CNOT4: variants seen among roughly 807,000 people sequenced by gnomAD.
CNOT4 encodes CCR4-associated factor 4.
Under a neutral mutation model 73.8 loss-of-function variants are expected in CNOT4, and 8 were observed. The ratio of observed to expected loss-of-function variants is 0.11; its 90% CI spans 0.06 to 0.20. The LOEUF (loss-of-function observed/expected upper bound fraction) is 0.20, where lower values mean the gene tolerates loss of function less well. Ranked by LOEUF, CNOT4 falls within the 10% of genes least tolerant of loss-of-function variation. The probability of loss-of-function intolerance (pLI) is 1.00; values close to 1 mark genes in which losing one functional copy is unlikely to be tolerated. For missense variants in CNOT4, 564 were observed against 883.4 expected (o/e 0.64, Z 4.58); for synonymous variants, 293 against 321.1 (o/e 0.91, Z 0.94).
chr7:135,465,845 C>T (rs949849664), intron 1 of CNOT4, among the ~76,000 whole-genome samples: 1 of 150,248 alleles, frequency 6.7e-6, no homozygotes, highest in African/African-American at 2.5e-5. Flanking sequence ...GTCAGGAGTT[C>T]GAGACCAGCC....
chr7:135,467,748 T>C (rs928476798), intron 1 of CNOT4, among the ~76,000 whole-genome samples: 1 of 151,584 alleles, frequency 6.6e-6, no homozygotes, highest in Non-Finnish European at 1.5e-5. Flanking sequence ...AAAAAACTTC[T>C]GGAAAATATG....
At chr7:135,386,520 TTTC>T (rs1232446449) in intron 10 of CNOT4, 6 of 152,180 alleles carry the variant, frequency 3.9e-5, no homozygotes, top group Non-Finnish European at 8.8e-5. Context: ...TGTTGTATAA[TTTC>T]TTCTGTCCTT....
At chr7:135,492,956 G>A (rs1332330123) in intron 1 of CNOT4, among the ~76,000 whole-genome samples, 1 of 152,128 alleles carries the variant, frequency 6.6e-6, no homozygotes, top group Non-Finnish European at 1.5e-5. Flanking sequence ...AATGAGCCAG[G>A]AGCTAAACCA....
intron 1 of CNOT4, among the ~76,000 whole-genome samples, chr7:135,443,827 T>C (rs1799639284): frequency 6.6e-6 from 1 of 152,200 alleles, no homozygotes; most frequent in South Asian, 2.1e-4. Context: ...GTTTTGTGTT[T>C]AGGGTCCTGT....
chr7:135,388,005 T>C, intron 10 of CNOT4: 1 of 984,658 alleles, frequency 1.0e-6, no homozygotes, highest in Non-Finnish European at 1.2e-6. Context: ...GTTACACTAC[T>C]ATGGTTGCTT....
chr7:135,506,873 GAAAGA>G (rs985588285), intron 1 of CNOT4, among the ~76,000 whole-genome samples: 12 of 151,210 alleles, frequency 7.9e-5, no homozygotes, highest in South Asian at 4.2e-4. Flanking sequence ...AAAAGAAAAA[GAAAGA>G]AAAGAAAATT....
At chr7:135,369,542 C>T (rs114137447) in intron 10 of CNOT4, among the ~76,000 whole-genome samples, 2,227 of 152,298 alleles carry the variant, frequency 0.015, 56 homozygotes, top group African/African-American at 0.051. Context: ...CTTTTGTCTT[C>T]CATCTTCACT....
Position 135,441,775 on chromosome 7 carries a change from T to G in CNOT4, c.-92-3352A>C, listed in dbSNP as rs114843653. Among the ~76,000 whole-genome samples the G allele has an allele frequency of 8.7e-3, 1,330 of 152,272 alleles. 23 individuals carry two copies. Among genetic ancestry groups the G allele is most frequent in the African/African-American group, 0.03 (1,267 of 41,554 alleles). ...AAAAATGATATACTGATGTTTTGCT[T>G]TTTGATTGTTTCTGTTTTTTAATTT... On this transcript the variant is annotated intron_variant, in intron 1 of 11. Transcript: ENST00000541284.
At chr7:135,420,977 T>C (rs1165305695) in intron 3 of CNOT4, among the ~76,000 whole-genome samples, 2 of 152,188 alleles carry the variant, frequency 1.3e-5, no homozygotes, top group African/African-American at 4.8e-5. Context: ...CTTGATGTCC[T>C]GAGTATCATG....
At chr7:135,428,721 A>C (rs1798652831) in intron 2 of CNOT4, among the ~76,000 whole-genome samples, 1 of 152,162 alleles carries the variant, frequency 6.6e-6, no homozygotes, top group Admixed American at 6.6e-5. Flanking sequence ...GTGAAAAAAA[A>C]TCTGAAAAAT....
chr7:135,495,773 A>ACATTCAG (rs1006440706), intron 1 of CNOT4, among the ~76,000 whole-genome samples: 2 of 147,524 alleles, frequency 1.4e-5, no homozygotes. Context: ...AAATTTAAGA[A>ACATTCAG]CATTCAGGGC....
At chr7:135,410,320 A>T (rs910205603) in intron 7 of CNOT4, among the ~76,000 whole-genome samples, 195 bp downstream of exon 7, 1 of 152,134 alleles carries the variant, frequency 6.6e-6, no homozygotes, top group Non-Finnish European at 1.5e-5. Flanking sequence ...GCTAGTCTGA[A>T]GTGTTACCAG....
At chr7:135,450,260 C>T (rs1223384605) in intron 1 of CNOT4, among the ~76,000 whole-genome samples, 4 of 152,120 alleles carry the variant, frequency 2.6e-5, no homozygotes, top group Admixed American at 2.6e-4. Flanking sequence ...ACTAATGAAA[C>T]TTCTGAAGAC....
rs753163206 is a variant in CNOT4, at chr7:135,363,164, G to A, written c.1863C>T (p.Asn621=). 2 of 1,613,652 alleles carry A rather than the reference G, an allele frequency of 1.2e-6. No individual in the cohort carries two copies. The highest frequency in any genetic ancestry group is 1.7e-6 in the Non-Finnish European group (2 of 1,179,998). ...IITGIPASSG[N]SLDSLQDDNP... ...TGTCATCTTGAAGAGAGTCTAAACTGTTTCCTGAAGACGCTGGAATACCTA... is the reference window on the plus strand; with the variant it reads ...TGTCATCTTGAAGAGAGTCTAAACTATTTCCTGAAGACGCTGGAATACCTA... The change falls in exon 12 of 12, where the codon AAC becomes AAT. Residue 621 remains asparagine, a synonymous_variant. Transcript: ENST00000541284. The surrounding 1 kb of genome is among the most constrained non-coding windows in gnomAD (Gnocchi z 4.3).
chr7:135,470,899 G>A (rs1047240708), intron 1 of CNOT4, among the ~76,000 whole-genome samples: 1 of 152,126 alleles, frequency 6.6e-6, no homozygotes, highest in African/African-American at 2.4e-5. Context: ...ATAAAGATGT[G>A]GGTTACACAG....
rs982065716 is a variant in CNOT4 at position 135,485,941 on chromosome 7, T to C, written c.-93+23948A>G. On this transcript the variant is annotated intron_variant, in intron 1 of 11. Coordinates refer to ENST00000541284, the MANE Select transcript of CNOT4 (RefSeq NM_001190850.2). The stretch of plus-strand genomic sequence containing the variant: ...GGAAGAACTGCTATACTGAACCTCA[T>C]CAAAATTAAAAACTTTCACTCTGTG... 2.2e-4 allele frequency among the ~76,000 whole-genome samples: 34 copies of C among 152,092 alleles called. 1 individual carries two copies. The highest frequency in any genetic ancestry group is 1.8e-3 in the Admixed American group (28 of 15,260).
chr7:135,478,483 A>T (rs1181065111), intron 1 of CNOT4, among the ~76,000 whole-genome samples: 1 of 152,162 alleles, frequency 6.6e-6, no homozygotes, highest in African/African-American at 2.4e-5. Context: ...GGCTCAGATC[A>T]CTTGTGTTCA....
chr7:135,374,323 C>A (rs1392654411), intron 10 of CNOT4, among the ~76,000 whole-genome samples: 1 of 152,140 alleles, frequency 6.6e-6, no homozygotes, highest in East Asian at 1.9e-4. Flanking sequence ...TTTGGATAGG[C>A]TTCCTAGGAT....
intron 1 of CNOT4, among the ~76,000 whole-genome samples, chr7:135,479,489 A>G (rs1043340137): frequency 2.0e-5 from 3 of 151,878 alleles, no homozygotes; most frequent in African/African-American, 7.3e-5. Flanking sequence ...GATTACAGGC[A>G]TGAGCCACCG....
Sources: gnomAD v4.1 joint callset for allele counts (sites outside exome capture counted in the v4.1 genomes callset) on GRCh38, gnomAD v4.1.1 for gene constraint, Gnocchi (gnomAD v3.1) non-coding constraint, MANE v1.5 for transcripts, NCBI Gene and HGNC (gene_info 2026-07-23, HGNC 2026-07-21) for gene names.